The following DPP6 variants were observed in gnomAD, a reference collection of about 807,000 sequenced individuals.
DPP6 encodes the protein dipeptidyl peptidase like 6.
Under a neutral mutation model 122.6 loss-of-function variants are expected in DPP6, and 69 were observed. The ratio of observed to expected loss-of-function variants is 0.56; its 90% confidence interval spans 0.46 to 0.69. DPP6 has a LOEUF of 0.69. DPP6 is among the 30% of genes least tolerant of loss of function. DPP6 has a pLI of 0.00. For synonymous variants in DPP6, 418 were observed against 433.1 expected (o/e 0.97, Z 0.43); for missense variants, 928 against 1,116.9 (o/e 0.83, Z 2.41).
Position 154,893,109 on chromosome 7 carries a change from C to T in DPP6, c.*629C>T, listed in dbSNP as rs1806762734. ...ATTTTTCTATGGTTTTAACCTGATG[C>T]TCCACTGTCTCCGTCATGGGGTTGT... is the stretch of plus-strand genomic sequence containing the variant. On this transcript the variant is annotated 3_prime_UTR_variant, in exon 26 of 26. Transcript: ENST00000377770. The T allele has an allele frequency of 1.4e-5, 5 of 366,298 alleles. No homozygotes were observed. The highest frequency in any genetic ancestry group is 1.1e-4 in the Admixed American group (3 of 28,000). 22.7% of individuals were successfully genotyped at this position (366,298 alleles called of 1,614,324 possible).
chr7:154,024,910 G>T (rs1798897942), intron 1 of DPP6, among the ~76,000 whole-genome samples: 1 of 152,160 alleles, frequency 6.6e-6, no homozygotes, highest in Non-Finnish European at 1.5e-5. Context: ...GCTGGAATTT[G>T]CCAGGGTCAA....
At chr7:154,632,668 G>A (rs977161556) in intron 5 of DPP6, among the ~76,000 whole-genome samples, 5 of 152,100 alleles carry the variant, frequency 3.3e-5, no homozygotes, top group African/African-American at 1.2e-4. Context: ...CTGATATTTA[G>A]GTAATTTAGG....
intron 1 of DPP6, among the ~76,000 whole-genome samples, chr7:154,190,177 C>G (rs898637798): frequency 1.3e-5 from 2 of 152,342 alleles, no homozygotes; most frequent in Non-Finnish European, 2.9e-5. Flanking sequence ...TGGGCTTTCA[C>G]TGATATACTA....
chr7:154,055,090 C>CT (rs374982845), intron 1 of DPP6, among the ~76,000 whole-genome samples: 11,805 of 128,840 alleles, frequency 0.092, 945 homozygotes, highest in African/African-American at 0.19. Flanking sequence ...TCCTGACATG[C>CT]TTTTTTTTTT....
intron 3 of DPP6, among the ~76,000 whole-genome samples, chr7:154,490,998 A>AT (rs1475919087): frequency 2.0e-5 from 3 of 152,176 alleles, no homozygotes; most frequent in Non-Finnish European, 4.4e-5. Flanking sequence ...CGCACGTGCG[A>AT]TATACAAAGG....
intron 7 of DPP6, among the ~76,000 whole-genome samples, chr7:154,696,352 G>T (rs1840219221): frequency 6.6e-6 from 1 of 152,210 alleles, no homozygotes; most frequent in Admixed American, 6.5e-5. Flanking sequence ...AGTGACAGGA[G>T]TCGCAGTGAG....
At chr7:154,695,514 G>A (rs1034168678) in intron 7 of DPP6, among the ~76,000 whole-genome samples, 1 of 152,224 alleles carries the variant, frequency 6.6e-6, no homozygotes, top group Non-Finnish European at 1.5e-5. Flanking sequence ...AGAATTGTAT[G>A]AAATGATTGC....
the DPP6 span, among the ~76,000 whole-genome samples, chr7:153,765,926 G>C: frequency 6.6e-6 from 1 of 152,128 alleles, no homozygotes; most frequent in South Asian, 2.1e-4. Flanking sequence ...AAACCATCTT[G>C]GTGTTCTTGT....
chr7:154,253,524 ATGACT>A (rs994184946), intron 1 of DPP6, among the ~76,000 whole-genome samples: 3 of 152,248 alleles, frequency 2.0e-5, no homozygotes, highest in African/African-American at 7.2e-5. Flanking sequence ...TGAGTTAGAA[ATGACT>A]TGACTAGACG....
intron 8 of DPP6, among the ~76,000 whole-genome samples, chr7:154,731,858 G>A (rs1842354565): frequency 6.6e-6 from 1 of 152,198 alleles, no homozygotes; most frequent in Admixed American, 6.5e-5. Flanking sequence ...TGAGTGTTCT[G>A]TTAAGAATGT....
At chr7:154,747,674 T>C (rs757523430) in intron 8 of DPP6, among the ~76,000 whole-genome samples, 1 of 152,102 alleles carries the variant, frequency 6.6e-6, no homozygotes, top group Non-Finnish European at 1.5e-5. Flanking sequence ...ATAGAACACT[T>C]TTTCTGCCTC....
At chr7:153,855,642 A>G in the DPP6 span, among the ~76,000 whole-genome samples, 3 of 152,146 alleles carry the variant, frequency 2.0e-5, no homozygotes, top group South Asian at 2.1e-4. Flanking sequence ...TCTGGAACCA[A>G]TAGGGCTCCC....
chr7:154,264,658 G>A (rs1001117979), intron 1 of DPP6, among the ~76,000 whole-genome samples: 1 of 152,112 alleles, frequency 6.6e-6, no homozygotes, highest in African/African-American at 2.4e-5. Flanking sequence ...TGATGATAGT[G>A]ATAATGATGG....
At chr7:154,235,121 C>T (rs1376028008) in intron 1 of DPP6, among the ~76,000 whole-genome samples, 14 of 152,210 alleles carry the variant, frequency 9.2e-5, no homozygotes, top group Admixed American at 8.5e-4. Context: ...TCACCACAAT[C>T]GATTTTAGGA....
chr7:154,768,173 C>T (rs896368030), intron 8 of DPP6, among the ~76,000 whole-genome samples: 1 of 152,198 alleles, frequency 6.6e-6, no homozygotes, highest in African/African-American at 2.4e-5. Context: ...TGGCGCTAAG[C>T]CCCCCTTCAT....
chr7:154,051,450 G>A (rs59213906), upstream of DPP6, among the ~76,000 whole-genome samples: 1,872 of 151,108 alleles, frequency 0.012, 40 homozygotes, highest in African/African-American at 0.042. Context: ...CGGGAGGGCC[G>A]GGAGGGGAAG....
intron 1 of DPP6, among the ~76,000 whole-genome samples, chr7:154,436,898 AAG>A (rs944825102): frequency 2.9e-4 from 44 of 152,222 alleles, no homozygotes; most frequent in African/African-American, 1.1e-3. Flanking sequence ...TTTTTACAAA[AAG>A]AAATATTCAT....
intron 1 of DPP6, among the ~76,000 whole-genome samples, chr7:153,994,883 CT>C (rs1797352560): frequency 6.6e-6 from 1 of 152,118 alleles, no homozygotes; most frequent in African/African-American, 2.4e-5. Context: ...GCTTTTGGGC[CT>C]TTTTATTTGC....
At chr7:154,705,564 C>T (rs140787287) in intron 7 of DPP6, among the ~76,000 whole-genome samples, 390 of 152,268 alleles carry the variant, frequency 2.6e-3, no homozygotes, top group Admixed American at 4.4e-3. Context: ...AATACCTGAC[C>T]CACCCAGGGT....
Sources: gnomAD v4.1 joint callset for allele counts (sites outside exome capture counted in the v4.1 genomes callset) on GRCh38, gnomAD v4.1.1 for gene constraint, MANE v1.5 for transcripts, NCBI Gene and HGNC (gene_info 2026-07-23, HGNC 2026-07-21) for gene names.